REL: variants seen among roughly 807,000 people sequenced by gnomAD.
REL encodes proto-oncogene c-Rel.
Under a neutral mutation model 45.9 loss-of-function variants are expected in REL, and 15 were observed. That is an observed-to-expected ratio of 0.33 (90% confidence interval 0.22 to 0.50). The LOEUF (loss-of-function observed/expected upper bound fraction) is 0.50, where lower values mean the gene tolerates loss of function less well. Ranked by LOEUF, REL falls within the 20% of genes least tolerant of loss-of-function variation. The pLI, the probability that REL is intolerant of heterozygous loss-of-function variation, is 0.98. For synonymous variants in REL, 239 were observed against 242.1 expected (o/e 0.99, Z 0.12); for missense variants, 601 against 715.2 (o/e 0.84, Z 1.82).
At chr2:60,882,050 C>A (rs538695557) in intron 1 of REL, among the ~76,000 whole-genome samples, 200 bp downstream of exon 1, 1 of 152,310 alleles carries the variant, frequency 6.6e-6, no homozygotes, top group South Asian at 2.1e-4. Flanking sequence ...CTCTGTAATT[C>A]GATCCTGTTG....
chr2:60,921,164 TC>T (rs751843316), intron 9 of REL, among the ~76,000 whole-genome samples: 3 of 152,096 alleles, frequency 2.0e-5, no homozygotes, highest in Non-Finnish European at 2.9e-5. Context: ...AAGTCTTTTT[TC>T]CCCCACGTAC....
chr2:60,881,632 T>G lies in REL; in HGVS notation c.-209T>G. ...GCTCCCGTACGGTGGACGGCGACGC[T>G]GGGTGACCCGGGGTGCAAGAATTCA... is the stretch of plus-strand genomic sequence containing the variant. On this transcript the variant is annotated 5_prime_UTR_variant, in exon 1 of 10. Transcript: ENST00000394479. 1 of 524,380 alleles carries G rather than the reference T, an allele frequency of 1.9e-6. No individual in the cohort carries two copies. Among genetic ancestry groups the G allele is most frequent in the Non-Finnish European group, 3.4e-6 (1 of 295,864 alleles). The allele number at this position is 524,380 out of a possible 1,614,324, so 32.5% of individuals were successfully genotyped here. A position where few individuals can be genotyped will look rare whatever the true frequency, so the allele number is the denominator to read the frequency against.
At chr2:60,900,853 A>T in intron 3 of REL, 139 bp from the exon 4 acceptor site, 1 of 723,846 alleles carries the variant, frequency 1.4e-6, no homozygotes, top group Non-Finnish European at 2.2e-6. Context: ...TCTCATCTTT[A>T]TCAGAGCAAT....
rs559968910 is a variant in REL at position 60,915,307 on chromosome 2, T to C, written c.395-1570T>C. ...TTGCAATTGAGAGACACTAATATCTTGAATGCTACATTTATAATGCTGTAA... is the reference window on the plus strand; with the variant it reads ...TTGCAATTGAGAGACACTAATATCTCGAATGCTACATTTATAATGCTGTAA... On this transcript the variant is annotated intron_variant, in intron 4 of 9. Transcript: ENST00000394479. Among the ~76,000 whole-genome samples the C allele has an allele frequency of 4.6e-5, 7 of 152,348 alleles. No individual in the cohort carries two copies. In the South Asian group the frequency reaches 1.5e-3, roughly 32 times the overall value.
At position 60,891,954 on chromosome 2, in the gene REL, T is replaced by C. The variant is rs557821904; in HGVS notation, c.153+129T>C. On this transcript the variant is annotated intron_variant, in intron 2 of 9. Transcript: ENST00000394479. ...TTTATCTTTTTCTTTTTTCCTTTTT[T>C]TTTTTAAACGGATCTGTCAAAAAGA... 11 of 910,456 alleles carry C rather than the reference T, an allele frequency of 1.2e-5. No homozygotes were observed. The African/African-American group carries it at 1.9e-4, about 16-fold the overall frequency. The allele number at this position is 910,456 out of a possible 1,614,324, so 56.4% of individuals were successfully genotyped here.
intron 4 of REL, among the ~76,000 whole-genome samples, chr2:60,906,581 C>T (rs960659862): frequency 6.6e-6 from 1 of 152,120 alleles, no homozygotes; most frequent in African/African-American, 2.4e-5. Context: ...ACCTCAGCTT[C>T]CTACCCCTCC....
At chr2:60,918,128 G>C in intron 5 of REL, 63 bp from the exon 6 acceptor site, 1 of 991,098 alleles carries the variant, frequency 1.0e-6, no homozygotes. Flanking sequence ...ATTCTTCCCT[G>C]CAAAAAGAAA....
rs140394210 is a variant in REL, at chr2:60,912,910, C to G, written c.395-3967C>G. 3.3e-3 allele frequency among the ~76,000 whole-genome samples: 497 copies of G among 151,686 alleles called. 6 individuals carry two copies. The highest frequency in any genetic ancestry group is 0.011 in the African/African-American group (476 of 41,422). On this transcript the variant is annotated intron_variant, in intron 4 of 9. Coordinates refer to ENST00000394479, the MANE Select transcript of REL (RefSeq NM_001291746.2). ...AATAGTTATTTAATTAAGTCGGATT[C>G]CCTACCTCACATCATATACAAATAT... is the stretch of plus-strand genomic sequence containing the variant.
rs1239770837 is a variant in REL at position 60,928,453 on chromosome 2, A to G, written c.*5918A>G. The G allele has an allele frequency of 7.3e-5, 11 of 151,418 alleles. No individual in the cohort carries two copies. The highest frequency in any genetic ancestry group is 1.0e-4 in the Non-Finnish European group (7 of 67,788). 9.4% of individuals were successfully genotyped at this position (151,418 alleles called of 1,614,324 possible). A position where few individuals can be genotyped will look rare whatever the true frequency, so the allele number is the denominator to read the frequency against. On this transcript the variant is annotated 3_prime_UTR_variant, in exon 10 of 10. Transcript: ENST00000394479. Reference sequence around the variant, plus strand: ...ACAAGGCTACAGTAACCAAAACAGCATGGTACTGGTACCAAAACAGAGATA... The same window carrying G: ...ACAAGGCTACAGTAACCAAAACAGCGTGGTACTGGTACCAAAACAGAGATA...
intron 4 of REL, among the ~76,000 whole-genome samples, chr2:60,912,031 C>T (rs1336470629): frequency 6.6e-6 from 1 of 150,876 alleles, no homozygotes; most frequent in African/African-American, 2.4e-5. Context: ...TCATTTTCCC[C>T]CAATTGATAA....
intron 7 of REL, among the ~76,000 whole-genome samples, chr2:60,918,884 G>A (rs1009464303): frequency 2.6e-5 from 4 of 151,992 alleles, no homozygotes; most frequent in Non-Finnish European, 4.4e-5. Flanking sequence ...TCCTCCTCCC[G>A]GGTTCAAGCG....
intron 1 of REL, among the ~76,000 whole-genome samples, chr2:60,887,179 A>G (rs1673092402): frequency 6.6e-6 from 1 of 152,226 alleles, no homozygotes; most frequent in Non-Finnish European, 1.5e-5. Context: ...GAAGGAGATA[A>G]CTGGTGCATT....
At chr2:60,906,369 C>G (rs1479519385) in intron 4 of REL, among the ~76,000 whole-genome samples, 1 of 152,098 alleles carries the variant, frequency 6.6e-6, no homozygotes, top group Non-Finnish European at 1.5e-5. Context: ...TTACCCAGCC[C>G]ACTAAATTAA....
At chr2:60,909,629 G>C (rs534966838) in intron 4 of REL, among the ~76,000 whole-genome samples, 3 of 152,242 alleles carry the variant, frequency 2.0e-5, no homozygotes, top group East Asian at 1.9e-4. Context: ...CAGGCTGGGC[G>C]CAGTGGCTCA....
chr2:60,904,035 TTATA>T (rs1673568820), intron 4 of REL, among the ~76,000 whole-genome samples: 1 of 152,206 alleles, frequency 6.6e-6, no homozygotes, highest in Non-Finnish European at 1.5e-5. Flanking sequence ...AGTAAGTGCT[TTATA>T]TATTTTATTT....
In REL at chr2:60,930,481, G is replaced by A. The variant is rs1170348131; in HGVS notation, c.*7946G>A. The A allele has an allele frequency of 3.3e-5, 5 of 152,276 alleles. No individual in the cohort carries two copies. The highest frequency in any genetic ancestry group is 1.2e-4 in the African/African-American group (5 of 41,426). The allele number at this position is 152,276 out of a possible 1,614,324, so 9.4% of individuals were successfully genotyped here. On this transcript the variant is annotated 3_prime_UTR_variant, in exon 10 of 10. Coordinates refer to ENST00000394479, the MANE Select transcript of REL (RefSeq NM_001291746.2). ...TCAGAGATAAATGTATGGGTTGTCT[G>A]TATCTAGTTTTATGCCTTTTTTTTG...
In REL at chr2:60,929,246, T is replaced by C. The variant is rs1674335615; in HGVS notation, c.*6711T>C. 1.3e-5 allele frequency: 2 copies of C among 148,708 alleles called. No homozygotes were observed. Among genetic ancestry groups the C allele is most frequent in the African/African-American group, 5.0e-5 (2 of 39,908 alleles). The allele number at this position is 148,708 out of a possible 1,614,324, so 9.2% of individuals were successfully genotyped here. On this transcript the variant is annotated 3_prime_UTR_variant, in exon 10 of 10. Coordinates refer to ENST00000394479, the MANE Select transcript of REL (RefSeq NM_001291746.2). Reference sequence around the variant, plus strand: ...TGGGACTGTAAACTAGTTCAACCATTGTGGAAGTCAGTGTGGCGATTCCTC... The same window carrying C: ...TGGGACTGTAAACTAGTTCAACCATCGTGGAAGTCAGTGTGGCGATTCCTC...
chr2:60,917,718 G>GTA (rs1471595627), intron 5 of REL, among the ~76,000 whole-genome samples: 1 of 120,686 alleles, frequency 8.3e-6, no homozygotes, highest in Non-Finnish European at 1.8e-5. Flanking sequence ...GTGTGTGTAC[G>GTA]TGTGTGTGTG....
intron 4 of REL, among the ~76,000 whole-genome samples, chr2:60,909,491 T>A (rs1444649003): frequency 6.6e-6 from 1 of 152,116 alleles, no homozygotes; most frequent in African/African-American, 2.4e-5. Flanking sequence ...AGGGTCTCCG[T>A]ATGTTGCCCA....
Sources: allele counts gnomAD v4.1 joint callset (sites outside exome capture counted in the v4.1 genomes callset), GRCh38; gene constraint gnomAD v4.1.1; transcripts MANE v1.5; gene names NCBI Gene and HGNC (gene_info 2026-07-23, HGNC 2026-07-21).